The following DOCK3 variants were observed in gnomAD, a reference collection of about 807,000 sequenced individuals.
DOCK3 encodes dedicator of cytokinesis 3.
DOCK3 carries 60 observed loss-of-function variants against 265.6 expected under a neutral mutation model. That is an observed-to-expected ratio of 0.23 (90% confidence interval 0.18 to 0.28). The LOEUF is 0.28. Ranked by LOEUF, DOCK3 falls within the 10% of genes least tolerant of loss-of-function variation. The pLI, the probability that DOCK3 is intolerant of heterozygous loss-of-function variation, is 1.00. For missense variants in DOCK3, 1,981 were observed against 2,594.3 expected (o/e 0.76, Z 5.14); for synonymous variants, 881 against 938.0 (o/e 0.94, Z 1.11).
At chr3:50,804,773 G>T (rs2043314059) in intron 2 of DOCK3, among the ~76,000 whole-genome samples, 1 of 151,932 alleles carries the variant, frequency 6.6e-6, no homozygotes, top group Non-Finnish European at 1.5e-5. Flanking sequence ...AGAGGGGGAG[G>T]GGGAGGGGAG....
intron 27 of DOCK3, among the ~76,000 whole-genome samples, chr3:51,293,470 G>T (rs1481042325): frequency 1.3e-5 from 2 of 152,016 alleles, no homozygotes; most frequent in Admixed American, 1.3e-4. Flanking sequence ...CCCTATAGAA[G>T]AATCAACTGA....
chr3:51,098,807 A>G (rs1444911365), intron 9 of DOCK3, among the ~76,000 whole-genome samples: 1 of 152,198 alleles, frequency 6.6e-6, no homozygotes, highest in Non-Finnish European at 1.5e-5. Context: ...GAAATAAGAG[A>G]GGAGCTGGTA....
chr3:51,101,860 A>G (rs1438257249), intron 9 of DOCK3, among the ~76,000 whole-genome samples: 1 of 152,206 alleles, frequency 6.6e-6, no homozygotes, highest in Non-Finnish European at 1.5e-5. Context: ...TTAAACAGAC[A>G]GTCACTTCCC....
intron 9 of DOCK3, among the ~76,000 whole-genome samples, chr3:51,126,411 T>C (rs1276937073): frequency 2.0e-5 from 3 of 152,224 alleles, no homozygotes; most frequent in Non-Finnish European, 2.9e-5. Context: ...TTCAGACTAC[T>C]TAACTTTCAG....
intron 2 of DOCK3, among the ~76,000 whole-genome samples, chr3:50,821,589 C>T (rs2608993): frequency 0.095 from 14,415 of 152,178 alleles, 844 homozygotes; most frequent in Non-Finnish European, 0.12. Context: ...CCTGAGCCAC[C>T]GTGCCTGGCC....
intron 2 of DOCK3, among the ~76,000 whole-genome samples, chr3:50,801,054 A>T (rs551614114): frequency 1.3e-5 from 2 of 152,340 alleles, no homozygotes; most frequent in African/African-American, 4.8e-5. Context: ...TGTTATAAAT[A>T]AAGTTTCAGT....
In DOCK3 at chr3:50,675,413, C is replaced by A; in HGVS notation, c.37+113C>A. The A allele has an allele frequency of 9.9e-7, 1 of 1,010,968 alleles. No homozygotes were observed. Among genetic ancestry groups the A allele is most frequent in the Non-Finnish European group, 1.2e-6 (1 of 807,506 alleles). 62.6% of individuals were successfully genotyped at this position (1,010,968 alleles called of 1,614,324 possible). On this transcript the variant is annotated intron_variant, in intron 1 of 52. Transcript: ENST00000266037. The surrounding 1 kb of genome is among the most constrained non-coding windows in gnomAD (Gnocchi z 6.1). The stretch of plus-strand genomic sequence containing the variant: ...CCGCCACTGCCCGCAGGCTGCGCGG[C>A]CTCGGCGCGGGGCGAGCGCGGGGTG...
At position 51,374,839 on chromosome 3, in the gene DOCK3, C is replaced by T. The variant is rs2087973861; in HGVS notation, c.5412+252C>T. ...GAACCAGCATTGCTCATGTAGCTAT[C>T]TGTCCTTCCCGCCAGATCCTGGACT... On this transcript the variant is annotated intron_variant, in intron 50 of 52. Transcript: ENST00000266037. This position sits in a 1 kb window ranked among gnomAD's most constrained non-coding sequence, Gnocchi z 4.8. Among the ~76,000 whole-genome samples the T allele has an allele frequency of 6.6e-6, 1 of 152,228 alleles. No individual in the cohort carries two copies. The highest frequency in any genetic ancestry group is 1.5e-5 in the Non-Finnish European group (1 of 68,034).
chr3:51,350,447 A>T, intron 40 of DOCK3, 55 bp downstream of exon 40: 3 of 1,561,960 alleles, frequency 1.9e-6, no homozygotes, highest in Non-Finnish European at 1.7e-6. Flanking sequence ...TAATTCACTT[A>T]AAACCGATAT....
chr3:51,108,317 A>G (rs112437641), intron 9 of DOCK3, among the ~76,000 whole-genome samples: 2,763 of 152,326 alleles, frequency 0.018, 65 homozygotes, highest in African/African-American at 0.046. Context: ...GGGAAAGAAG[A>G]TCCTTGTCAG....
chr3:51,241,700 A>G (rs946651377), intron 21 of DOCK3, among the ~76,000 whole-genome samples: 1 of 152,048 alleles, frequency 6.6e-6, no homozygotes, highest in Non-Finnish European at 1.5e-5. Context: ...TCTTTCCCGA[A>G]CTTGGTCTAT....
intron 3 of DOCK3, among the ~76,000 whole-genome samples, chr3:50,847,515 G>A (rs1377974954): frequency 6.6e-6 from 1 of 152,178 alleles, no homozygotes; most frequent in African/African-American, 2.4e-5. Context: ...GACTAGTCAA[G>A]TGTTGAGTTT....
In DOCK3 at chr3:50,973,049, C is replaced by CTTTTTTTTT. The variant is rs71858027; in HGVS notation, c.315+38988_315+38996dup. Among the ~76,000 whole-genome samples, 8 of 19,022 alleles carry CTTTTTTTTT rather than the reference C, an allele frequency of 4.2e-4. 2 individuals carry two copies. The highest frequency in any genetic ancestry group is 6.6e-4 in the African/African-American group (3 of 4,564). 12.5% of individuals were successfully genotyped at this position (19,022 alleles called of 152,430 possible). On this transcript the variant is annotated intron_variant, in intron 5 of 52. Transcript: ENST00000266037. ...ACAATCCGTGGCATTCAGTGTGTTT[C>CTTTTTTTTT]TTTTTTTTTTTTTTTTTTTTTTTTG...
intron 12 of DOCK3, among the ~76,000 whole-genome samples, chr3:51,195,783 A>AT: frequency 6.6e-6 from 1 of 152,012 alleles, no homozygotes; most frequent in South Asian, 2.1e-4. Flanking sequence ...TCTCATGAGA[A>AT]TTTTTTTGTA....
At chr3:50,756,857 C>T (rs2040190905) in intron 1 of DOCK3, among the ~76,000 whole-genome samples, 1 of 152,100 alleles carries the variant, frequency 6.6e-6, no homozygotes, top group African/African-American at 2.4e-5. Context: ...CACATCCTTT[C>T]CCTATTTAAA....
At chr3:51,201,483 A>G (rs1303789455) in intron 12 of DOCK3, among the ~76,000 whole-genome samples, 1 of 152,228 alleles carries the variant, frequency 6.6e-6, no homozygotes, top group African/African-American at 2.4e-5. Flanking sequence ...TATCCTAAAT[A>G]TATATGCACC....
chr3:51,120,687 C>T (rs937219393), intron 9 of DOCK3, among the ~76,000 whole-genome samples: 1 of 152,290 alleles, frequency 6.6e-6, no homozygotes, highest in Middle Eastern at 3.4e-3. Context: ...TCTAGAGAGG[C>T]AGTCTGGCTA....
At chr3:51,293,994 A>G (rs2081933766) in intron 27 of DOCK3, among the ~76,000 whole-genome samples, 1 of 152,344 alleles carries the variant, frequency 6.6e-6, no homozygotes, top group South Asian at 2.1e-4. Flanking sequence ...GTACACTGTT[A>G]GTGATATTGT....
At chr3:50,952,205 A>G (rs1270846522) in intron 5 of DOCK3, among the ~76,000 whole-genome samples, 2 of 152,138 alleles carry the variant, frequency 1.3e-5, no homozygotes, top group African/African-American at 2.4e-5. Flanking sequence ...CAGCATATTA[A>G]AAAGGTTGGA....
Sources: gnomAD v4.1 joint callset for allele counts (sites outside exome capture counted in the v4.1 genomes callset) on GRCh38, gnomAD v4.1.1 for gene constraint, Gnocchi (gnomAD v3.1) non-coding constraint, MANE v1.5 for transcripts, NCBI Gene and HGNC (gene_info 2026-07-23, HGNC 2026-07-21) for gene names.